The following PDE3A variants were observed in gnomAD, a reference collection of about 807,000 sequenced individuals.
The protein encoded by PDE3A is cGMP-inhibited 3',5'-cyclic phosphodiesterase 3A.
In PDE3A, 43 loss-of-function variants were observed where a neutral mutation model predicts 98.3. The ratio of observed to expected loss-of-function variants is 0.44; its 90% CI spans 0.34 to 0.56. PDE3A has a LOEUF of 0.56. PDE3A is among the 20% of genes least tolerant of loss of function. The probability of loss-of-function intolerance (pLI) is 0.01; values close to 1 mark genes in which losing one functional copy is unlikely to be tolerated. For missense variants in PDE3A, 1,427 were observed against 1,440.7 expected, an observed-to-expected ratio of 0.99 and a Z score of 0.15; for synonymous variants, 663 against 567.9, an observed-to-expected ratio of 1.17 and a Z score of -2.38.
chr12:20,504,720 T>C (rs1229697722), intron 1 of PDE3A, among the ~76,000 whole-genome samples: 1 of 152,042 alleles, frequency 6.6e-6, no homozygotes, highest in East Asian at 1.9e-4. Context: ...GGTGAGTTGA[T>C]TCCTTCTCAC....
chr12:20,407,557 C>T (rs1397928361), intron 1 of PDE3A, among the ~76,000 whole-genome samples: 1 of 152,012 alleles, frequency 6.6e-6, no homozygotes, highest in East Asian at 1.9e-4. Flanking sequence ...ACCAAGTTCC[C>T]AGAGGGAGGT....
rs1298785357 is a variant in PDE3A at position 20,386,175 on chromosome 12, ATATATATAAATATATATAAATAT to A, written c.960+15932_960+15954del. ...TATAAATATATATAAATATATAAAAATATATATAAATATATATAAATATATAAAAATATATATAAATATATAAA... is the reference window on the plus strand; with the variant it reads ...TATAAATATATATAAATATATAAAAAATAAAAATATATATAAATATATAAA... On this transcript the variant is annotated intron_variant, in intron 1 of 15. Coordinates refer to ENST00000359062, the MANE Select transcript of PDE3A (RefSeq NM_000921.5). Among the ~76,000 whole-genome samples, 581 of 78,406 alleles carry A rather than the reference ATATATATAAATATATATAAATAT, an allele frequency of 7.4e-3. 37 individuals are homozygous for A. Among genetic ancestry groups the A allele is most frequent in the Admixed American group, 0.039 (192 of 4,888 alleles). 51.4% of individuals were successfully genotyped at this position (78,406 alleles called of 152,430 possible). A position where few individuals can be genotyped will look rare whatever the true frequency, so the allele number is the denominator to read the frequency against.
rs149342310 is a variant in PDE3A at position 20,584,800 on chromosome 12, C to T, written c.1011+28090C>T. On this transcript the variant is annotated intron_variant, in intron 2 of 15. Coordinates refer to ENST00000359062, the MANE Select transcript of PDE3A (RefSeq NM_000921.5). ...TATTCTGAATGTCTTCCTTTTCTGG[C>T]AATTTTCATTTTTTTTATGTCCTTG... is the stretch of plus-strand genomic sequence containing the variant. 5.0e-3 allele frequency among the ~76,000 whole-genome samples: 761 copies of T among 152,188 alleles called. 7 individuals carry two copies. Among genetic ancestry groups the T allele is most frequent in the African/African-American group, 0.017 (715 of 41,546 alleles).
At chr12:20,488,828 C>T (rs1049266990) in intron 1 of PDE3A, among the ~76,000 whole-genome samples, 1 of 149,188 alleles carries the variant, frequency 6.7e-6, no homozygotes, top group Admixed American at 6.7e-5. Flanking sequence ...CTGCCGTGAG[C>T]TGTAATTGCA....
chr12:20,391,008 A>G (rs1943903812), intron 1 of PDE3A, among the ~76,000 whole-genome samples: 1 of 152,034 alleles, frequency 6.6e-6, no homozygotes, highest in Middle Eastern at 3.4e-3. Context: ...GTCAGTACAG[A>G]CTTCAGCTTC....
chr12:20,618,761 T>C (rs1944067982), intron 4 of PDE3A, among the ~76,000 whole-genome samples: 1 of 152,010 alleles, frequency 6.6e-6, no homozygotes, highest in South Asian at 2.1e-4. Context: ...AAAGCTGAAA[T>C]AAATCAGACC....
intron 5 of PDE3A, among the ~76,000 whole-genome samples, chr12:20,621,810 T>C (rs1311644461): frequency 1.3e-5 from 2 of 152,116 alleles, no homozygotes; most frequent in Non-Finnish European, 2.9e-5. Context: ...ACACATGAGC[T>C]ATGATAAGGA....
chr12:20,507,861 G>A (rs188915141), intron 1 of PDE3A, among the ~76,000 whole-genome samples: 12 of 152,102 alleles, frequency 7.9e-5, no homozygotes, highest in African/African-American at 2.9e-4. Flanking sequence ...CAGAAACCTC[G>A]TAGCTGTTCT....
rs140430649 is a variant in PDE3A at position 20,641,689 on chromosome 12, G to A, written c.2251+1732G>A. On this transcript the variant is annotated intron_variant, in intron 10 of 15. Coordinates refer to ENST00000359062, the MANE Select transcript of PDE3A (RefSeq NM_000921.5). ...AAATCATAGTTGAAAGATGGCAAAT[G>A]TTTAAGTACAAAAATAAGTTTTCAG... Among the ~76,000 whole-genome samples, 31 of 152,148 alleles carry A rather than the reference G, an allele frequency of 2.0e-4. No homozygotes were observed. In the East Asian group the frequency reaches 5.6e-3, roughly 27 times the overall value.
chr12:20,664,399 TA>T (rs1275508065), intron 15 of PDE3A, among the ~76,000 whole-genome samples: 1 of 152,186 alleles, frequency 6.6e-6, no homozygotes, highest in African/African-American at 2.4e-5. Context: ...ACCTCTCTTC[TA>T]AGCTGTCTAC....
chr12:20,590,104 A>C (rs575713445), intron 2 of PDE3A, among the ~76,000 whole-genome samples: 18 of 152,158 alleles, frequency 1.2e-4, no homozygotes, highest in African/African-American at 4.1e-4. Context: ...TCTATTACGC[A>C]GCATATAAAA....
Position 20,519,810 on chromosome 12 carries a change from A to C in PDE3A, c.961-36850A>C, listed in dbSNP as rs148698579. On this transcript the variant is annotated intron_variant, in intron 1 of 15. Coordinates refer to ENST00000359062, the MANE Select transcript of PDE3A (RefSeq NM_000921.5). ...GGCACATCAGAGAAGGAAGGCTGCC[A>C]TCAGGGAAATGACTTTTGAGGCGGG... is the stretch of plus-strand genomic sequence containing the variant. Among the ~76,000 whole-genome samples, 895 of 152,288 alleles carry C rather than the reference A, an allele frequency of 5.9e-3. 10 individuals are homozygous for C. Among genetic ancestry groups the C allele is most frequent in the African/African-American group, 0.02 (841 of 41,576 alleles).
chr12:20,657,899 A>G (rs1172159125), intron 15 of PDE3A, among the ~76,000 whole-genome samples: 1 of 152,220 alleles, frequency 6.6e-6, no homozygotes, highest in Non-Finnish European at 1.5e-5. Flanking sequence ...ACTGCCATCA[A>G]TGTGTATAAC....
At chr12:20,592,557 T>A (rs1943366119) in intron 2 of PDE3A, among the ~76,000 whole-genome samples, 1 of 152,216 alleles carries the variant, frequency 6.6e-6, no homozygotes, top group African/African-American at 2.4e-5. Context: ...AGTGTCCACC[T>A]ATGCTTGAGT....
intron 2 of PDE3A, among the ~76,000 whole-genome samples, chr12:20,574,925 C>A (rs909398633): frequency 6.6e-6 from 1 of 151,998 alleles, no homozygotes; most frequent in Non-Finnish European, 1.5e-5. Context: ...CCCACCATTA[C>A]ACAGATTTTT....
At chr12:20,647,961 T>A (rs1565462028) in intron 12 of PDE3A, among the ~76,000 whole-genome samples, 1 of 151,932 alleles carries the variant, frequency 6.6e-6, no homozygotes, top group Non-Finnish European at 1.5e-5. Flanking sequence ...TCTTTTTATT[T>A]CTCCATAGGC....
At chr12:20,414,696 G>C (rs1001655148) in intron 1 of PDE3A, among the ~76,000 whole-genome samples, 1 of 152,144 alleles carries the variant, frequency 6.6e-6, no homozygotes, top group African/African-American at 2.4e-5. Flanking sequence ...AATCAAACGG[G>C]TTTCTGAGAT....
At chr12:20,565,752 G>C (rs1417804513) in intron 2 of PDE3A, among the ~76,000 whole-genome samples, 1 of 151,536 alleles carries the variant, frequency 6.6e-6, no homozygotes, top group East Asian at 1.9e-4. Context: ...TTTTTATTTG[G>C]GGAAATTGAA....
At chr12:20,559,365 A>T (rs929109458) in intron 2 of PDE3A, among the ~76,000 whole-genome samples, 1 of 151,980 alleles carries the variant, frequency 6.6e-6, no homozygotes, top group South Asian at 2.1e-4. Flanking sequence ...TGACATATAT[A>T]CAAAGTGTAA....
Sources: gnomAD v4.1 joint callset for allele counts (sites outside exome capture counted in the v4.1 genomes callset) on GRCh38, gnomAD v4.1.1 for gene constraint, MANE v1.5 for transcripts, NCBI Gene and HGNC (gene_info 2026-07-23, HGNC 2026-07-21) for gene names.